The following BACE2 variants were observed in gnomAD, a reference collection of about 807,000 sequenced individuals.
The protein encoded by BACE2 is beta-secretase 2, also known as 56 kDa aspartic-like protease.
In BACE2, 17 loss-of-function variants were observed where a neutral mutation model predicts 46.2. The observed-to-expected ratio is 0.37, with a 90% CI of 0.25 to 0.55. BACE2 has a LOEUF of 0.55. BACE2 is among the 20% of genes least tolerant of loss of function. The pLI is 0.82. For missense variants in BACE2, 595 were observed against 698.1 expected (o/e 0.85, Z 1.66); for synonymous variants, 277 against 295.9 (o/e 0.94, Z 0.66).
chr21:41,277,987 A>G lies in BACE2; in HGVS notation c.*2363A>G, dbSNP rs2123661001. ...GGCATGTCTTGCTGCTGAGAATCGG[A>G]CTTCCAGTCAAAACCCTGTTAGTGA... On this transcript the variant is annotated 3_prime_UTR_variant, in exon 9 of 9. Transcript: ENST00000330333. The G allele has an allele frequency of 6.6e-6, 1 of 152,340 alleles. No individual in the cohort carries two copies. Among genetic ancestry groups the G allele is most frequent in the East Asian group, 1.9e-4 (1 of 5,184 alleles). The allele number at this position is 152,340 out of a possible 1,614,324, so 9.4% of individuals were successfully genotyped here.
At chr21:41,255,076 G>T (rs899068464) in intron 7 of BACE2, among the ~76,000 whole-genome samples, 3 of 152,260 alleles carry the variant, frequency 2.0e-5, no homozygotes, top group Non-Finnish European at 4.4e-5. Context: ...GAGAGAAAAG[G>T]ACTGGCCCAG....
At chr21:41,199,366 G>A (rs543349579) in intron 1 of BACE2, among the ~76,000 whole-genome samples, 2 of 152,136 alleles carry the variant, frequency 1.3e-5, no homozygotes, top group South Asian at 4.2e-4. Context: ...GAAGGCTGGC[G>A]AGGAGGAAGA....
In BACE2 at chr21:41,168,333, C is replaced by A; in HGVS notation, c.70C>A (p.Leu24Met). 7.4e-6 allele frequency: 10 copies of A among 1,357,910 alleles called. No individual in the cohort carries two copies. Among genetic ancestry groups the A allele is most frequent in the Non-Finnish European group, 9.5e-6 (10 of 1,053,130 alleles). The allele number at this position is 1,357,910 out of a possible 1,614,324, so 84.1% of individuals were successfully genotyped here. A position where few individuals can be genotyped will look rare whatever the true frequency, so the allele number is the denominator to read the frequency against. ...AQWLLRAAPE[L>M]APAPFTLPLR... is the part of the protein sequence containing the mutation. ...GTGGCTCCTGCGCGCCGCCCCGGAG[C>A]TGGCCCCCGCGCCCTTCACGCTGCC... The change falls in exon 1 of 9, where the codon CTG becomes ATG. Residue 24 changes from leucine (L) to methionine (M), a missense_variant. This residue lies in a region of BACE2 where 248 missense variants were observed against 261.4 expected (regional missense o/e 0.95). Coordinates refer to ENST00000330333, the MANE Select transcript of BACE2 (RefSeq NM_012105.5).
intron 2 of BACE2, among the ~76,000 whole-genome samples, chr21:41,232,954 C>T (rs1468160177): frequency 2.6e-5 from 4 of 151,410 alleles, no homozygotes; most frequent in African/African-American, 9.7e-5. Context: ...CTGCAAGCTC[C>T]ACCTCCCGGG....
Position 41,273,877 on chromosome 21 carries a change from C to G in BACE2, c.1304-1494C>G, listed in dbSNP as rs535060320. Reference sequence around the variant, plus strand: ...TAAGGAACTAATAAATGTCTGAAATCTTCACAATTTATGTTCTTCTGCCAT... The same window carrying G: ...TAAGGAACTAATAAATGTCTGAAATGTTCACAATTTATGTTCTTCTGCCAT... On this transcript the variant is annotated intron_variant, in intron 8 of 8. Coordinates refer to ENST00000330333, the MANE Select transcript of BACE2 (RefSeq NM_012105.5). Among the ~76,000 whole-genome samples the G allele has an allele frequency of 2.6e-5, 4 of 152,270 alleles. No individual in the cohort carries two copies. In the South Asian group the frequency reaches 8.3e-4, roughly 32 times the overall value.
intron 8 of BACE2, among the ~76,000 whole-genome samples, chr21:41,274,930 C>T (rs776607394): frequency 2.6e-5 from 4 of 152,180 alleles, no homozygotes; most frequent in Non-Finnish European, 4.4e-5. Context: ...TTCCCCATGA[C>T]GTAGGCAGGT....
intron 8 of BACE2, among the ~76,000 whole-genome samples, chr21:41,272,466 G>A (rs2088443362): frequency 6.6e-6 from 1 of 151,446 alleles, no homozygotes; most frequent in Non-Finnish European, 1.5e-5. Flanking sequence ...ACAGTTTACT[G>A]ATGTTCTCTC....
rs1214695023 is a variant in BACE2 at position 41,278,361 on chromosome 21, G to A, written c.*2737G>A. 6.6e-6 allele frequency: 1 copy of A among 152,200 alleles called. No homozygotes were observed. Among genetic ancestry groups the A allele is most frequent in the Non-Finnish European group, 1.5e-5 (1 of 68,038 alleles). 9.4% of individuals were successfully genotyped at this position (152,200 alleles called of 1,614,324 possible). On this transcript the variant is annotated 3_prime_UTR_variant, in exon 9 of 9. Coordinates refer to ENST00000330333, the MANE Select transcript of BACE2 (RefSeq NM_012105.5). The stretch of plus-strand genomic sequence containing the variant: ...ATTCTATTTTTATTCTTGGGAATTT[G>A]AAAGAGCCACAAGTGATTGGTGTCC...
chr21:41,169,609 T>A (rs1984525990), intron 1 of BACE2, among the ~76,000 whole-genome samples: 1 of 152,206 alleles, frequency 6.6e-6, no homozygotes, highest in African/African-American at 2.4e-5. Flanking sequence ...TCAGCTATGA[T>A]TCCCCCATAA....
At chr21:41,248,850 G>A (rs1043404575) in intron 6 of BACE2, among the ~76,000 whole-genome samples, 11 of 152,270 alleles carry the variant, frequency 7.2e-5, no homozygotes, top group Middle Eastern at 3.4e-3. Context: ...TCTTGGCAGC[G>A]TTCTGTCCCA....
At chr21:41,192,145 G>A (rs1160711143) in intron 1 of BACE2, among the ~76,000 whole-genome samples, 4 of 152,238 alleles carry the variant, frequency 2.6e-5, no homozygotes, top group Non-Finnish European at 4.4e-5. Context: ...GAAAGGGGCT[G>A]TAGTGCTGCA....
chr21:41,214,506 G>A (rs1986396029), intron 1 of BACE2, among the ~76,000 whole-genome samples: 2 of 152,160 alleles, frequency 1.3e-5, no homozygotes, highest in African/African-American at 2.4e-5. Context: ...AGTTTTCATC[G>A]TGGGGGCATA....
chr21:41,197,795 G>A lies in BACE2; in HGVS notation c.313-28471G>A, dbSNP rs540528007. On this transcript the variant is annotated intron_variant, in intron 1 of 8. Coordinates refer to ENST00000330333, the MANE Select transcript of BACE2 (RefSeq NM_012105.5). ...TGAAGCACAGATCAGCTATATGGCT[G>A]AGGTAACATCATTCATGAGGGCAGA... Among the ~76,000 whole-genome samples the A allele has an allele frequency of 2.6e-5, 4 of 152,306 alleles. No homozygotes were observed. The South Asian group carries it at 8.3e-4, about 32-fold the overall frequency.
intron 1 of BACE2, among the ~76,000 whole-genome samples, chr21:41,210,816 A>G (rs910959710): frequency 6.6e-6 from 1 of 152,242 alleles, no homozygotes; most frequent in African/African-American, 2.4e-5. Context: ...TGAACACAGG[A>G]GGCATGTCAC....
chr21:41,175,324 C>G (rs951542434), intron 1 of BACE2: 8 of 152,206 alleles, frequency 5.3e-5, no homozygotes, highest in African/African-American at 1.7e-4. Flanking sequence ...GACAAAGAGA[C>G]TGTCTAGAGA....
intron 1 of BACE2, among the ~76,000 whole-genome samples, chr21:41,217,766 G>T (rs9978357): frequency 0.45 from 68,169 of 152,190 alleles, 17,812 homozygotes; most frequent in African/African-American, 0.73. Flanking sequence ...GAGCCAGCTC[G>T]GCAGGCAGCA....
chr21:41,226,335 A>T lies in BACE2; in HGVS notation c.382A>T (p.Thr128Ser), dbSNP rs1439528201. Residue 128 changes from threonine to serine, a missense_variant, in exon 2 of 9, where the codon ACG becomes TCG. By Grantham distance (58) the Thr-to-Ser change is moderately conservative. Transcript: ENST00000330333. The stretch of plus-strand genomic sequence containing the variant: ...AGGAACCCCGCACTCCTACATAGAC[A>T]CGTACTTTGACACAGAGAGGTAAGC... ...VAGTPHSYID[T>S]YFDTERSSTY... The T allele has an allele frequency of 6.2e-7, 1 of 1,614,012 alleles. No individual in the cohort carries two copies. Among genetic ancestry groups the T allele is most frequent in the Admixed American group, 1.7e-5 (1 of 60,004 alleles).
chr21:41,236,237 C>G (rs761005335), intron 2 of BACE2, among the ~76,000 whole-genome samples: 10 of 152,172 alleles, frequency 6.6e-5, no homozygotes, highest in Non-Finnish European at 1.3e-4. Context: ...CACCTGCTGT[C>G]CTCTCTCCAC....
chr21:41,265,284 A>G (rs1988040344), intron 8 of BACE2, among the ~76,000 whole-genome samples: 1 of 152,092 alleles, frequency 6.6e-6, no homozygotes, highest in Admixed American at 6.5e-5. Flanking sequence ...GTTGTTACAA[A>G]TAACACTGCA....
Sources: allele counts gnomAD v4.1 joint callset (sites outside exome capture counted in the v4.1 genomes callset), GRCh38; gene constraint gnomAD v4.1.1; regional missense constraint gnomAD v4.1.1; transcripts MANE v1.5; gene names NCBI Gene and HGNC (gene_info 2026-07-23, HGNC 2026-07-21).